The following ATG7 variants were observed in gnomAD, a reference collection of about 807,000 sequenced individuals.
ATG7 encodes autophagy related 7, also known as ubiquitin-like modifier-activating enzyme ATG7.
ATG7 carries 70 observed loss-of-function variants against 82.4 expected under a neutral mutation model. The ratio of observed to expected loss-of-function variants is 0.85; its 90% CI spans 0.70 to 1.04. The LOEUF is 1.04. Ranked by LOEUF, ATG7 falls within the 50% of genes least tolerant of loss-of-function variation. The probability of loss-of-function intolerance (pLI) is 0.00; values close to 1 mark genes in which losing one functional copy is unlikely to be tolerated. For synonymous variants in ATG7, 287 were observed against 313.0 expected, an observed-to-expected ratio of 0.92 and a Z score of 0.88; for missense variants, 792 against 864.3, an observed-to-expected ratio of 0.92 and a Z score of 1.05.
chr3:11,459,090 G>T (rs939099580), intron 20 of ATG7, among the ~76,000 whole-genome samples: 1 of 151,628 alleles, frequency 6.6e-6, no homozygotes, highest in Non-Finnish European at 1.5e-5. Context: ...TGGGACTGCT[G>T]GCCTAGGCGA....
chr3:11,512,876 C>G (rs1450888918), intron 20 of ATG7, among the ~76,000 whole-genome samples: 1 of 152,102 alleles, frequency 6.6e-6, no homozygotes, highest in Non-Finnish European at 1.5e-5. Flanking sequence ...GCTGATTGGT[C>G]CATTTTACAG....
At chr3:11,520,168 C>T (rs1055503043) in intron 20 of ATG7, among the ~76,000 whole-genome samples, 12 of 152,126 alleles carry the variant, frequency 7.9e-5, no homozygotes, top group Admixed American at 6.5e-5. Flanking sequence ...GTAAACCCAC[C>T]CAGAGTCACA....
chr3:11,327,643 G>A (rs2594995), intron 9 of ATG7, among the ~76,000 whole-genome samples: 132,137 of 152,250 alleles, frequency 0.87, 57,625 homozygotes, highest in East Asian at 1. Context: ...CTTTTAAAAT[G>A]ACCAGTACTC....
At chr3:11,422,944 G>A (rs754383032) in intron 19 of ATG7, among the ~76,000 whole-genome samples, 18 of 151,786 alleles carry the variant, frequency 1.2e-4, no homozygotes, top group Non-Finnish European at 2.2e-4. Context: ...TAATAGAGAC[G>A]GGGTTTCACC....
At chr3:11,455,580 C>A (rs1265945844) in intron 20 of ATG7, among the ~76,000 whole-genome samples, 7 of 152,214 alleles carry the variant, frequency 4.6e-5, no homozygotes, top group Admixed American at 2.0e-4. Flanking sequence ...GATGTGAGAA[C>A]AACTGATCGT....
chr3:11,369,677 G>A (rs567085247), intron 18 of ATG7, among the ~76,000 whole-genome samples: 1 of 151,202 alleles, frequency 6.6e-6, no homozygotes, highest in African/African-American at 2.4e-5. Context: ...GGTCCCAGAA[G>A]AAGAGTCAAG....
intron 19 of ATG7, among the ~76,000 whole-genome samples, chr3:11,395,880 C>T (rs1156717864): frequency 7.4e-6 from 1 of 135,116 alleles, no homozygotes; most frequent in Admixed American, 8.8e-5. Context: ...GCGGAGCTCG[C>T]AGTGAGCGGA....
rs149660400 is a variant in ATG7 at position 11,492,486 on chromosome 3, G to A, written c.2080-62325G>A. 6.6e-4 allele frequency among the ~76,000 whole-genome samples: 101 copies of A among 152,308 alleles called. 1 individual carries two copies. The highest frequency in any genetic ancestry group is 2.4e-3 in the African/African-American group (98 of 41,572). On this transcript the variant is annotated intron_variant, in intron 20 of 20. Coordinates refer to ENST00000693202, the MANE Select transcript of ATG7 (RefSeq NM_001349232.2). ...TTCCTATTCAGCCATCTTGGCTCCA[G>A]CCCCTCCAGGATATTTTCTTGACAC...
rs1286749720 is a variant in ATG7, at chr3:11,372,829, T to TGC, written c.1876-7142_1876-7141insCG. 1.1e-4 allele frequency among the ~76,000 whole-genome samples: 12 copies of TGC among 112,912 alleles called. No individual in the cohort carries two copies. In the East Asian group the frequency reaches 1.7e-3, roughly 16 times the overall value. 74.1% of individuals were successfully genotyped at this position (112,912 alleles called of 152,430 possible). On this transcript the variant is annotated intron_variant, in intron 18 of 20. Transcript: ENST00000693202. ...GTGTGTGTGTGTGCGCGCGTGTGCG[T>TGC]GTGTGTGCGTGCGTGCGTGTGCGTG...
At chr3:11,451,900 CAG>C (rs1553675416) in intron 20 of ATG7, among the ~76,000 whole-genome samples, 18 of 149,186 alleles carry the variant, frequency 1.2e-4, no homozygotes, top group Non-Finnish European at 2.7e-4. Flanking sequence ...CACACACACA[CAG>C]ACACACACAC....
intron 20 of ATG7, among the ~76,000 whole-genome samples, chr3:11,548,787 T>C (rs2447603): frequency 0.2 from 29,821 of 152,098 alleles, 3,144 homozygotes; most frequent in Middle Eastern, 0.26. Context: ...TGAGGGCCTC[T>C]TGGGCCTGTT....
chr3:11,539,330 G>A (rs1449230980), intron 20 of ATG7, among the ~76,000 whole-genome samples: 1 of 152,206 alleles, frequency 6.6e-6, no homozygotes, highest in Non-Finnish European at 1.5e-5. Context: ...GCTAGTCAGT[G>A]GCAGAGCAGG....
At chr3:11,341,999 T>G (rs569815274) in intron 12 of ATG7, 136 bp from the exon 13 acceptor site, 27 of 1,063,892 alleles carry the variant, frequency 2.5e-5, no homozygotes, top group Non-Finnish European at 3.4e-5. Flanking sequence ...CTGCTTACCC[T>G]CCAGTTTAAT....
chr3:11,536,990 G>A (rs1370443767), intron 20 of ATG7, among the ~76,000 whole-genome samples: 1 of 151,910 alleles, frequency 6.6e-6, no homozygotes, highest in Admixed American at 6.6e-5. Context: ...TGATCTTGTC[G>A]CTTCCTGCCC....
At chr3:11,462,878 TTTATTTATTTATTTA>T (rs1370556195) in intron 20 of ATG7, among the ~76,000 whole-genome samples, 2 of 149,550 alleles carry the variant, frequency 1.3e-5, no homozygotes, top group South Asian at 4.2e-4. Flanking sequence ...TATTTATTTA[TTTATTTATTTATTTA>T]TTTATTTTTG....
At chr3:11,564,293 A>G in the ATG7 span, among the ~76,000 whole-genome samples, 5 of 152,308 alleles carry the variant, frequency 3.3e-5, no homozygotes, top group South Asian at 4.1e-4. Context: ...TAGGCTTCTG[A>G]CCAGCATGGG....
At chr3:11,386,770 TTGTG>T (rs771512622) in intron 19 of ATG7, among the ~76,000 whole-genome samples, 4 of 152,224 alleles carry the variant, frequency 2.6e-5, no homozygotes, top group Non-Finnish European at 5.9e-5. Flanking sequence ...ATATGTATGA[TTGTG>T]TGGTATAAAA....
intron 20 of ATG7, among the ~76,000 whole-genome samples, chr3:11,435,410 T>C (rs7632902): frequency 0.86 from 131,244 of 152,204 alleles, 56,813 homozygotes; most frequent in East Asian, 1. Flanking sequence ...GGTATGTTCA[T>C]GAAACATGCT....
chr3:11,492,063 C>G (rs375990144), intron 20 of ATG7, among the ~76,000 whole-genome samples: 1 of 152,156 alleles, frequency 6.6e-6, no homozygotes, highest in African/African-American at 2.4e-5. Flanking sequence ...CCCCCAGCCT[C>G]GCTGCCACCT....
Sources: allele counts gnomAD v4.1 joint callset (sites outside exome capture counted in the v4.1 genomes callset), GRCh38; gene constraint gnomAD v4.1.1; transcripts MANE v1.5; gene names NCBI Gene and HGNC (gene_info 2026-07-23, HGNC 2026-07-21).